TNRC6B: variants seen among roughly 807,000 people sequenced by gnomAD.
TNRC6B encodes trinucleotide repeat containing adaptor 6B.
TNRC6B carries 52 observed loss-of-function variants against 203.6 expected under a neutral mutation model. That is an observed-to-expected ratio of 0.26 (90% CI 0.20 to 0.32). The LOEUF is 0.32. Among genes scored for constraint, TNRC6B ranks in the 10% least tolerant of loss-of-function variants. The probability of loss-of-function intolerance (pLI) is 1.00; values close to 1 mark genes in which losing one functional copy is unlikely to be tolerated. For synonymous variants in TNRC6B, 838 were observed against 845.7 expected (o/e 0.99, Z 0.16); for missense variants, 1,923 against 2,286.2 (o/e 0.84, Z 3.24).
chr22:40,296,764 AT>A (rs2070949920), intron 12 of TNRC6B, among the ~76,000 whole-genome samples: 1 of 151,776 alleles, frequency 6.6e-6, no homozygotes, highest in East Asian at 1.9e-4. Context: ...AGTAGCTGGG[AT>A]TACAGGCGCT....
chr22:40,235,711 T>C (rs944094395), intron 1 of TNRC6B, among the ~76,000 whole-genome samples: 2 of 152,194 alleles, frequency 1.3e-5, no homozygotes, highest in Admixed American at 6.6e-5. Context: ...TAAATACCCT[T>C]GTGGCTATCT....
chr22:40,092,195 G>A (rs965119925), intron 1 of TNRC6B, among the ~76,000 whole-genome samples: 6 of 152,078 alleles, frequency 3.9e-5, no homozygotes, highest in African/African-American at 1.4e-4. Flanking sequence ...TTGAGGTCAG[G>A]GGTTCGAGAC....
intron 2 of TNRC6B, among the ~76,000 whole-genome samples, chr22:40,117,759 T>C (rs1268781051): frequency 6.6e-6 from 1 of 152,192 alleles, no homozygotes; most frequent in Non-Finnish European, 1.5e-5. Flanking sequence ...ATTTTTCCTG[T>C]TATCTTCTTC....
intron 10 of TNRC6B, 61 bp downstream of exon 10, chr22:40,280,204 C>G (rs935278422): frequency 3.3e-6 from 5 of 1,494,322 alleles, no homozygotes; most frequent in African/African-American, 1.4e-5. Flanking sequence ...TCCCATTTGT[C>G]TTTTGATAAC....
intron 4 of TNRC6B, among the ~76,000 whole-genome samples, chr22:40,158,169 C>T (rs137967441): frequency 6.6e-6 from 1 of 151,854 alleles, no homozygotes; most frequent in East Asian, 1.9e-4. Context: ...GAAACCCTGT[C>T]TCTAGTAAAA....
At chr22:40,051,298 C>G (rs55754970) in intron 1 of TNRC6B, among the ~76,000 whole-genome samples, 7,721 of 152,280 alleles carry the variant, frequency 0.051, 525 homozygotes, top group African/African-American at 0.15. Flanking sequence ...CAGACTAGAT[C>G]TAAACTAAAC....
Position 40,134,829 on chromosome 22 carries a change from C to T in TNRC6B, c.45+8967C>T, listed in dbSNP as rs369862841. ...TAAATGGACTATCTTCCTAATTTTT[C>T]TGTAAATCTAAACCTGTTCTAAAAA... On this transcript the variant is annotated intron_variant, in intron 3 of 23. Coordinates refer to the TNRC6B transcript ENST00000301923. Among the ~76,000 whole-genome samples the T allele has an allele frequency of 1.1e-4, 16 of 152,356 alleles. No homozygotes were observed. In the East Asian group the frequency reaches 2.1e-3, roughly 20 times the overall value.
At chr22:40,277,270 C>T in intron 8 of TNRC6B, 119 bp downstream of exon 8, 1 of 663,260 alleles carries the variant, frequency 1.5e-6, no homozygotes, top group Non-Finnish European at 2.4e-6. Flanking sequence ...ACTAGTTAAG[C>T]AATGTTCTTG....
At chr22:40,231,649 A>T (rs1306361252) in intron 1 of TNRC6B, among the ~76,000 whole-genome samples, 1 of 152,164 alleles carries the variant, frequency 6.6e-6, no homozygotes, top group African/African-American at 2.4e-5. Context: ...CCTTTTTGGT[A>T]GGCTCCATTT....
intron 1 of TNRC6B, among the ~76,000 whole-genome samples, chr22:40,193,670 T>C (rs1011259521): frequency 6.6e-6 from 1 of 151,998 alleles, no homozygotes; most frequent in Non-Finnish European, 1.5e-5. Context: ...GGGGAGAGAT[T>C]TGCTGCCTAG....
upstream of TNRC6B, among the ~76,000 whole-genome samples, chr22:40,174,783 C>G (rs930960935): frequency 1.3e-5 from 2 of 150,866 alleles, no homozygotes; most frequent in East Asian, 3.9e-4. Context: ...CGAGATAGCA[C>G]CACTGCACTC....
intron 1 of TNRC6B, among the ~76,000 whole-genome samples, chr22:40,098,988 G>A (rs556620762): frequency 1.3e-5 from 2 of 151,942 alleles, no homozygotes; most frequent in African/African-American, 4.8e-5. Flanking sequence ...ACGGTGGCTC[G>A]CACCTGTAAT....
At chr22:40,312,031 T>C (rs1376839646) in intron 17 of TNRC6B, among the ~76,000 whole-genome samples, 5 of 152,258 alleles carry the variant, frequency 3.3e-5, no homozygotes, top group East Asian at 3.8e-4. Context: ...AAATTATCCC[T>C]GCTGGTTATC....
Position 40,315,309 on chromosome 22 carries a change from T to C in TNRC6B, c.4705T>C (p.Trp1569Arg). 6.2e-7 allele frequency: 1 copy of C among 1,614,052 alleles called. No individual in the cohort carries two copies. Among genetic ancestry groups the C allele is most frequent in the Non-Finnish European group, 8.5e-7 (1 of 1,179,890 alleles). The change falls in exon 20 of 23, where the codon TGG (tryptophan) becomes CGG (arginine). Residue 1569 changes from tryptophan to arginine, a missense_variant. Trp to Arg is a moderately radical substitution (Grantham distance 101). This residue lies in a region of TNRC6B where 159 missense variants were observed against 181.0 expected (regional missense o/e 0.88). Transcript: ENST00000454349. ...SAKFPDYKSTWSPDPIGHNPT... is the reference protein window; with the variant it reads ...SAKFPDYKSTRSPDPIGHNPT... The stretch of plus-strand genomic sequence containing the variant: ...AAAGTTCCCTGATTACAAATCAACA[T>C]GGTCCCCAGATCCCATAGGACACAA...
At chr22:40,201,360 A>C (rs1349322167) in intron 1 of TNRC6B, among the ~76,000 whole-genome samples, 1 of 152,208 alleles carries the variant, frequency 6.6e-6, no homozygotes, top group Admixed American at 6.5e-5. Context: ...GCTTATTTTC[A>C]GATTTTTCTC....
intron 3 of TNRC6B, among the ~76,000 whole-genome samples, chr22:40,151,366 C>A (rs944311153): frequency 6.6e-6 from 1 of 151,294 alleles, no homozygotes; most frequent in Middle Eastern, 3.2e-3. Context: ...GAGTTTGAGA[C>A]CAGCCTGGCC....
In TNRC6B at chr22:40,323,276, T is replaced by G; in HGVS notation, c.*35T>G. ...TTTCAACTCTGACCTCGTGACCTTT[T>G]TTGGAACAGCAGCAGCACTAACTTG... is the stretch of plus-strand genomic sequence containing the variant. On this transcript the variant is annotated 3_prime_UTR_variant, in exon 23 of 23. Transcript: ENST00000454349. 1 of 1,583,070 alleles carries G rather than the reference T, an allele frequency of 6.3e-7. No homozygotes were observed. Among genetic ancestry groups the G allele is most frequent in the Non-Finnish European group, 8.5e-7 (1 of 1,170,606 alleles).
At position 40,264,674 on chromosome 22, in the gene TNRC6B, G is replaced by T. The variant is rs1205439205; in HGVS notation, c.458-14G>T. 1.3e-6 allele frequency: 2 copies of T among 1,557,900 alleles called. No individual in the cohort carries two copies. The highest frequency in any genetic ancestry group is 1.2e-5 in the South Asian group (1 of 81,106). On this transcript the variant is annotated splice_polypyrimidine_tract_variant and intron_variant, in intron 4 of 22. Transcript: ENST00000454349. Reference sequence around the variant, plus strand: ...CATTTGAAGCTGTGATTAATAAGATGATCTGTTCCCCAGACTCAACCCTTG... The same window carrying T: ...CATTTGAAGCTGTGATTAATAAGATTATCTGTTCCCCAGACTCAACCCTTG...
At chr22:40,183,756 G>A (rs9623147) in intron 1 of TNRC6B, among the ~76,000 whole-genome samples, 135 of 151,774 alleles carry the variant, frequency 8.9e-4, no homozygotes, top group African/African-American at 3.1e-3. Context: ...GTGCAGTGGC[G>A]TGATCTTTGC....
Sources: gnomAD v4.1 joint callset for allele counts (sites outside exome capture counted in the v4.1 genomes callset) on GRCh38, gnomAD v4.1.1 for gene constraint, gnomAD v4.1.1 regional missense constraint, MANE v1.5 for transcripts, NCBI Gene and HGNC (gene_info 2026-07-23, HGNC 2026-07-21) for gene names.